Variants in GDAP1 observed in about 807,000 individuals in gnomAD.
GDAP1 encodes the protein ganglioside induced differentiation associated protein 1.
Under a neutral mutation model 40.1 loss-of-function variants are expected in GDAP1, and 34 were observed. The observed-to-expected ratio is 0.85, with a 90% CI of 0.64 to 1.13. The LOEUF (loss-of-function observed/expected upper bound fraction) is 1.13. Among genes scored for constraint, GDAP1 ranks in the 50% most tolerant of loss-of-function variants. The pLI, the probability that GDAP1 is intolerant of heterozygous loss-of-function variation, is 0.00. For synonymous variants in GDAP1, 170 were observed against 157.4 expected (o/e 1.08, Z -0.60); for missense variants, 374 against 433.7 (o/e 0.86, Z 1.22).
chr8:74,391,771 G>A (rs554702395), intron 2 of GDAP1, among the ~76,000 whole-genome samples: 1 of 152,090 alleles, frequency 6.6e-6, no homozygotes, highest in African/African-American at 2.4e-5. Context: ...AATATATAAA[G>A]GTACATCTGT....
chr8:74,391,002 C>T (rs1448855444), intron 2 of GDAP1, among the ~76,000 whole-genome samples: 1 of 152,162 alleles, frequency 6.6e-6, no homozygotes, highest in Non-Finnish European at 1.5e-5. Flanking sequence ...ACTGCCTACT[C>T]AAGCCTCAGT....
Position 74,366,866 on chromosome 8 carries a change from C to G in GDAP1, c.*2499C>G. ...AAGTAATTGGAAAATAAATATGAAC[C>G]CTAAAACAAAGTACTCACTTTGTAA... On this transcript the variant is annotated 3_prime_UTR_variant, in exon 6 of 6. Transcript: ENST00000220822. The G allele has an allele frequency of 2.4e-6, 1 of 421,188 alleles. No homozygotes were observed. Among genetic ancestry groups the G allele is most frequent in the Non-Finnish European group, 4.7e-6 (1 of 214,766 alleles). The allele number at this position is 421,188 out of a possible 1,614,324, so 26.1% of individuals were successfully genotyped here.
intron 2 of GDAP1, among the ~76,000 whole-genome samples, chr8:74,384,824 ACT>A (rs1810002537): frequency 6.6e-6 from 1 of 152,140 alleles, no homozygotes; most frequent in Non-Finnish European, 1.5e-5. Context: ...AGTAAAATCC[ACT>A]CTATATTTTG....
intron 2 of GDAP1, among the ~76,000 whole-genome samples, chr8:74,400,967 T>G (rs1810321261): frequency 6.7e-6 from 1 of 149,908 alleles, no homozygotes; most frequent in Non-Finnish European, 1.5e-5. Flanking sequence ...CTGACCTTTC[T>G]CTCTTGCTGC....
chr8:74,390,355 T>C (rs963730399), intron 2 of GDAP1, among the ~76,000 whole-genome samples: 7 of 152,122 alleles, frequency 4.6e-5, no homozygotes, highest in Non-Finnish European at 1.0e-4. Flanking sequence ...GTGGCCTTCG[T>C]ATGGGGTTTT....
chr8:74,478,045 G>C (rs187850695), intron 2 of GDAP1, among the ~76,000 whole-genome samples: 70 of 150,378 alleles, frequency 4.7e-4, no homozygotes, highest in African/African-American at 1.7e-3. Flanking sequence ...AGCCAGGACG[G>C]CTTTACTGTT....
At chr8:74,488,312 A>G (rs1000634644) in intron 2 of GDAP1, among the ~76,000 whole-genome samples, 2 of 152,284 alleles carry the variant, frequency 1.3e-5, no homozygotes, top group Non-Finnish European at 1.5e-5. Context: ...CATTTCCAAA[A>G]TATCACTGTT....
chr8:74,463,996 A>C (rs1446787568), intron 2 of GDAP1, among the ~76,000 whole-genome samples: 1 of 152,230 alleles, frequency 6.6e-6, no homozygotes, highest in Non-Finnish European at 1.5e-5. Context: ...GCTATGAAAC[A>C]ACTAAAGGAA....
intron 2 of GDAP1, among the ~76,000 whole-genome samples, chr8:74,474,837 A>G (rs1032664515): frequency 6.6e-6 from 1 of 151,982 alleles, no homozygotes; most frequent in Admixed American, 6.6e-5. Flanking sequence ...TCCCTTCTCA[A>G]TTTTTTGGAA....
chr8:74,408,037 G>T (rs1373844461), intron 2 of GDAP1, among the ~76,000 whole-genome samples: 1 of 149,550 alleles, frequency 6.7e-6, no homozygotes, highest in African/African-American at 2.6e-5. Flanking sequence ...AATACTTGTA[G>T]CCCAAATTAC....
Position 74,482,118 on chromosome 8 carries a change from TTG to T in GDAP1, c.166-6559_166-6558del, listed in dbSNP as rs1491335097. ...TCAAACCAAACTGAAGGGTTTTTTT[TTG>T]GGGGGGGGGGGTCATCTTTCTTCCA... On this transcript the variant is annotated intron_variant, in intron 2 of 2. Coordinates refer to the GDAP1 transcript ENST00000523640. Among the ~76,000 whole-genome samples, 500 of 117,596 alleles carry T rather than the reference TTG, an allele frequency of 4.3e-3. 2 individuals are homozygous for T. Among genetic ancestry groups the T allele is most frequent in the Non-Finnish European group, 4.3e-3 (261 of 60,634 alleles). 77.1% of individuals were successfully genotyped at this position (117,596 alleles called of 152,430 possible).
chr8:74,440,010 A>C (rs967246440), intron 2 of GDAP1, among the ~76,000 whole-genome samples: 1 of 152,170 alleles, frequency 6.6e-6, no homozygotes, highest in African/African-American at 2.4e-5. Flanking sequence ...CAATAGCTAT[A>C]GCATTTGGCA....
intron 2 of GDAP1, among the ~76,000 whole-genome samples, chr8:74,404,316 T>G (rs184087281): frequency 6.7e-6 from 1 of 149,562 alleles, no homozygotes; most frequent in Admixed American, 6.6e-5. Flanking sequence ...AATTACTTTT[T>G]CACCAACCTA....
At position 74,449,566 on chromosome 8, in the gene GDAP1, T is replaced by A. The variant is rs557717170; in HGVS notation, c.166-39112T>A. Among the ~76,000 whole-genome samples, 12 of 151,966 alleles carry A rather than the reference T, an allele frequency of 7.9e-5. No individual in the cohort carries two copies. In the South Asian group the frequency reaches 1.9e-3, roughly 24 times the overall value. On this transcript the variant is annotated intron_variant, in intron 2 of 2. Transcript: ENST00000523640. ...CTTTGTTAAATTTATTCCCAAGTAT[T>A]TTATGTTTTTTATGTTATTAAATTT...
chr8:74,383,360 C>T (rs1160190107), intron 2 of GDAP1, among the ~76,000 whole-genome samples: 1 of 152,150 alleles, frequency 6.6e-6, no homozygotes, highest in East Asian at 1.9e-4. Flanking sequence ...TTTAAATTGA[C>T]CTGGACTTGT....
chr8:74,415,628 C>A (rs1018370585), intron 2 of GDAP1, among the ~76,000 whole-genome samples: 1 of 150,020 alleles, frequency 6.7e-6, no homozygotes, highest in Non-Finnish European at 1.5e-5. Flanking sequence ...CAGGAAAAAG[C>A]CTTATCCCTG....
intron 2 of GDAP1, among the ~76,000 whole-genome samples, chr8:74,414,615 A>G (rs993937114): frequency 6.7e-5 from 10 of 149,560 alleles, no homozygotes; most frequent in Non-Finnish European, 1.3e-4. Flanking sequence ...AATTTGAACA[A>G]GAGAGAAAAA....
At chr8:74,392,137 A>G (rs1810119815) in intron 2 of GDAP1, among the ~76,000 whole-genome samples, 1 of 152,124 alleles carries the variant, frequency 6.6e-6, no homozygotes. Flanking sequence ...TTATTTAATA[A>G]TACATATTGA....
chr8:74,417,164 A>G (rs1805793905), intron 2 of GDAP1, among the ~76,000 whole-genome samples: 2 of 149,766 alleles, frequency 1.3e-5, no homozygotes, highest in African/African-American at 5.1e-5. Flanking sequence ...CCACATAACC[A>G]AAAGAATTGA....
Sources: allele counts gnomAD v4.1 joint callset (sites outside exome capture counted in the v4.1 genomes callset), GRCh38; gene constraint gnomAD v4.1.1; transcripts MANE v1.5; gene names NCBI Gene and HGNC (gene_info 2026-07-23, HGNC 2026-07-21).